NEB: variants seen among roughly 807,000 people sequenced by gnomAD.
NEB encodes nebulin, also known as nemaline myopathy type 2.
In NEB, 512 loss-of-function variants were observed where a neutral mutation model predicts 952.2. That is an observed-to-expected ratio of 0.54 (90% confidence interval 0.50 to 0.58). NEB has a LOEUF of 0.58. Among genes scored for constraint, NEB ranks in the 20% least tolerant of loss-of-function variants. NEB has a pLI of 0.00. For missense variants in NEB, 8,428 were observed against 9,231.1 expected, an observed-to-expected ratio of 0.91 and a Z score of 3.56; for synonymous variants, 2,900 against 3,149.8, an observed-to-expected ratio of 0.92 and a Z score of 2.66.
Position 151,687,748 on chromosome 2 carries a change from T to A in NEB, c.2416-15A>T, listed in dbSNP as rs753394142. ...TTATAAACATTCTGGACAAGAAAAA[T>A]TCAGCAAAGGAATGATAAGAACAAC... On this transcript the variant is annotated splice_polypyrimidine_tract_variant and intron_variant, in intron 25 of 181. Coordinates refer to ENST00000397345, the MANE Select transcript of NEB (RefSeq NM_001164508.2). 7 of 1,561,856 alleles carry A rather than the reference T, an allele frequency of 4.5e-6. No individual in the cohort carries two copies. The South Asian group carries it at 4.7e-5, about 10-fold the overall frequency.
At chr2:151,720,731 TC>T (rs2099771911) in intron 9 of NEB, among the ~76,000 whole-genome samples, 1 of 152,174 alleles carries the variant, frequency 6.6e-6, no homozygotes. Context: ...CTTTTCAACT[TC>T]GCTGTTTGTT....
At chr2:151,507,871 A>G (rs1308052054) in intron 162 of NEB, 134 bp downstream of exon 162, 1 of 651,942 alleles carries the variant, frequency 1.5e-6, no homozygotes, top group Non-Finnish European at 2.7e-6. Flanking sequence ...AATTGGGCAC[A>G]CATTTCCTGG....
chr2:151,497,046 A>G lies in NEB; in HGVS notation c.24301-13T>C. On this transcript the variant is annotated splice_polypyrimidine_tract_variant and intron_variant, in intron 171 of 181. Coordinates refer to ENST00000397345, the MANE Select transcript of NEB (RefSeq NM_001164508.2). ...CTTTGTATAACACCTGTGCGATAAGAAAGCAACCAGAAAAACAACCATGAG... is the reference window on the plus strand; with the variant it reads ...CTTTGTATAACACCTGTGCGATAAGGAAGCAACCAGAAAAACAACCATGAG... The G allele has an allele frequency of 6.4e-7, 1 of 1,559,560 alleles. No individual in the cohort carries two copies. Among genetic ancestry groups the G allele is most frequent in the Non-Finnish European group, 8.7e-7 (1 of 1,150,032 alleles).
intron 161 of NEB, among the ~76,000 whole-genome samples, chr2:151,511,607 T>C (rs1009298854): frequency 5.9e-5 from 9 of 152,196 alleles, no homozygotes; most frequent in Admixed American, 3.3e-4. Flanking sequence ...TTGGAACTCA[T>C]TGATCAGAAG....
In NEB at chr2:151,672,517, G is replaced by A. The variant is rs762809955; in HGVS notation, c.4151C>T (p.Pro1384Leu). ...AGCTGTGATGCTAACCATGTCCCCA[G>A]GGGTATGGTAGCTGGTTTTGGTGTT... is the stretch of plus-strand genomic sequence containing the variant. Reference protein sequence around the residue: ...YENTKTSYHTPGDMVSITAAK... With the variant: ...YENTKTSYHTLGDMVSITAAK... Residue 1384 changes from proline (P) to leucine (L), a missense_variant, in exon 37 of 182, where the codon CCT becomes CTT. Transcript: ENST00000397345. The A allele has an allele frequency of 6.2e-6, 10 of 1,613,988 alleles. No homozygotes were observed. The highest frequency in any genetic ancestry group is 7.6e-6 in the Non-Finnish European group (9 of 1,179,896).
intron 29 of NEB, among the ~76,000 whole-genome samples, chr2:151,681,316 G>C (rs1272153333): frequency 1.3e-5 from 2 of 152,228 alleles, no homozygotes; most frequent in Non-Finnish European, 2.9e-5. Flanking sequence ...ATTATTAAGA[G>C]AGACAGGACT....
intron 39 of NEB, among the ~76,000 whole-genome samples, chr2:151,668,187 A>C (rs1012532093): frequency 2.6e-5 from 4 of 152,204 alleles, no homozygotes; most frequent in African/African-American, 9.6e-5. Context: ...GTTGGATAAC[A>C]GAAGGTTTTC....
chr2:151,569,183 G>T, intron 110 of NEB, 85 bp downstream of exon 110: 1 of 1,086,488 alleles, frequency 9.2e-7, no homozygotes, highest in Non-Finnish European at 1.4e-6. Flanking sequence ...TAAGATTGCT[G>T]ATATTAGATG....
In NEB at chr2:151,485,704, A is replaced by C; in HGVS notation, c.*56T>G. ...AGGTAACAGTGGAGAGTCTAAACCG[A>C]AACATTGACTGCAGGATCTGTAAGT... is the stretch of plus-strand genomic sequence containing the variant. On this transcript the variant is annotated 3_prime_UTR_variant, in exon 182 of 182. Transcript: ENST00000397345. The C allele has an allele frequency of 6.5e-7, 1 of 1,531,702 alleles. No homozygotes were observed. Among genetic ancestry groups the C allele is most frequent in the Non-Finnish European group, 8.8e-7 (1 of 1,132,594 alleles). 94.9% of individuals were successfully genotyped at this position (1,531,702 alleles called of 1,614,324 possible). A position where few individuals can be genotyped will look rare whatever the true frequency, so the allele number is the denominator to read the frequency against.
chr2:151,697,988 C>T (rs1219363301), intron 13 of NEB, among the ~76,000 whole-genome samples: 5 of 152,204 alleles, frequency 3.3e-5, no homozygotes, highest in Admixed American at 2.0e-4. Flanking sequence ...ATTGCTTGAA[C>T]CCGGGAGGCG....
At chr2:151,681,109 G>A (rs1166149251) in intron 29 of NEB, among the ~76,000 whole-genome samples, 1 of 152,140 alleles carries the variant, frequency 6.6e-6, no homozygotes, top group Non-Finnish European at 1.5e-5. Flanking sequence ...CATGAAACAA[G>A]ACACCCTCAG....
intron 60 of NEB, among the ~76,000 whole-genome samples, chr2:151,642,089 G>C (rs1311728738): frequency 1.3e-5 from 2 of 152,162 alleles, no homozygotes; most frequent in African/African-American, 4.8e-5. Context: ...TTGTGACAGT[G>C]AGCAAATCCA....
At position 151,612,274 on chromosome 2, in the gene NEB, C is replaced by T. The variant is rs556930902; in HGVS notation, c.11717G>A (p.Arg3906His). Residue 3906 changes from arginine (R) to histidine (H), a missense_variant, in exon 78 of 182, where the codon CGC becomes CAC. Around this residue, in one of 11 missense-constraint regions of NEB, gnomAD observed 337 missense variants for 297.5 expected, o/e 1.13. Coordinates refer to ENST00000397345, the MANE Select transcript of NEB (RefSeq NM_001164508.2). ...AGEILSDRKY[R>H]QPADQLKFTC... ...GAATTTGAGCTGGTCTGCAGGCTGG[C>T]GATACTTCCTGTCACTCAGGATTTC... The T allele has an allele frequency of 5.8e-5, 94 of 1,613,824 alleles. No homozygotes were observed. The highest frequency in any genetic ancestry group is 7.6e-5 in the Non-Finnish European group (90 of 1,179,818).
intron 54 of NEB, among the ~76,000 whole-genome samples, chr2:151,647,848 T>G (rs2098980148): frequency 6.6e-6 from 1 of 152,222 alleles, no homozygotes; most frequent in African/African-American, 2.4e-5. Flanking sequence ...AATATTTTCT[T>G]TTCTTATAAA....
chr2:151,665,656 T>C, intron 41 of NEB, 117 bp from the exon 42 acceptor site: 1 of 808,782 alleles, frequency 1.2e-6, no homozygotes, highest in Non-Finnish European at 1.9e-6. Flanking sequence ...GAGAATAATC[T>C]GCTTTTTACT....
At chr2:151,716,121 ACTTT>A (rs2099758363) in intron 10 of NEB, 2 of 431,200 alleles carry the variant, frequency 4.6e-6, no homozygotes, top group South Asian at 1.7e-5. Flanking sequence ...CAATATCAAC[ACTTT>A]CTTTCTTTTT....
Position 151,524,312 on chromosome 2 carries a change from T to C in NEB, c.22478A>G (p.Gln7493Arg). The change falls in exon 153 of 182, where the codon CAG becomes CGG. Residue 7493 changes from glutamine (Q) to arginine (R), a missense_variant and splice_region_variant. This residue lies in a region of NEB where 3,374 missense variants were observed against 3,651.5 expected (regional missense o/e 0.92). Transcript: ENST00000397345. ...MAKKAAKLSSQVKYRENFDKE... is the reference protein window; with the variant it reads ...MAKKAAKLSSRVKYRENFDKE... The stretch of plus-strand genomic sequence containing the variant: ...CACCAGTGCACCCATCTGCATTACC[T>C]GGCTGCTCAGCTTGGCTGCCTTCTT... The C allele has an allele frequency of 6.2e-7, 1 of 1,613,528 alleles. No individual in the cohort carries two copies. The highest frequency in any genetic ancestry group is 8.5e-7 in the Non-Finnish European group (1 of 1,179,610).
At chr2:151,648,601 T>TA (rs1406618840) in intron 54 of NEB, among the ~76,000 whole-genome samples, 1 of 152,196 alleles carries the variant, frequency 6.6e-6, no homozygotes, top group Non-Finnish European at 1.5e-5. Context: ...TGATATTGTG[T>TA]ATGGATGATT....
intron 171 of NEB, 113 bp from the exon 172 acceptor site, chr2:151,497,146 A>G: frequency 7.3e-7 from 1 of 1,370,316 alleles, no homozygotes. Flanking sequence ...TTGTCCAAGG[A>G]GCCAGAAGTT....
Sources: allele counts gnomAD v4.1 joint callset (sites outside exome capture counted in the v4.1 genomes callset), GRCh38; gene constraint gnomAD v4.1.1; regional missense constraint gnomAD v4.1.1; transcripts MANE v1.5; gene names NCBI Gene and HGNC (gene_info 2026-07-23, HGNC 2026-07-21).